EPHB4: variants seen among roughly 807,000 people sequenced by gnomAD.
The protein encoded by EPHB4 is EPH receptor B4.
EPHB4 carries 50 observed loss-of-function variants against 110.6 expected under a neutral mutation model. That is an observed-to-expected ratio of 0.45 (90% CI 0.36 to 0.57). EPHB4 has a LOEUF of 0.57. Among genes scored for constraint, EPHB4 ranks in the 20% least tolerant of loss-of-function variants. EPHB4 has a pLI of 0.00. For missense variants in EPHB4, 1,128 were observed against 1,382.1 expected (o/e 0.82, Z 2.91); for synonymous variants, 592 against 578.4 (o/e 1.02, Z -0.34).
rs757030028 is a variant in EPHB4 at position 100,818,590 on chromosome 7, C to T, written c.1352G>A (p.Ser451Asn). ...RVTRSSPSSL[S>N]LAWAVPRAPS... ...TGCCCGGGGAACAGCCCAGGCCAGGCTCAAGCTGCTGGGTGAGGACCGCGT... is the reference window on the plus strand; with the variant it reads ...TGCCCGGGGAACAGCCCAGGCCAGGTTCAAGCTGCTGGGTGAGGACCGCGT... Residue 451 changes from serine to asparagine, a missense_variant, in exon 7 of 17, where the codon AGC becomes AAC. Transcript: ENST00000358173. The T allele has an allele frequency of 6.2e-7, 1 of 1,613,664 alleles. No homozygotes were observed. The highest frequency in any genetic ancestry group is 8.5e-7 in the Non-Finnish European group (1 of 1,180,026).
At chr7:100,806,071 G>GT in intron 14 of EPHB4, 1 of 262,868 alleles carries the variant, frequency 3.8e-6, no homozygotes, top group African/African-American at 2.2e-5. Context: ...CGATTATCCT[G>GT]TCTCAGCCTC....
Position 100,822,693 on chromosome 7 carries a change from C to A in EPHB4, c.412-26G>T. Reference sequence around the variant, plus strand: ...CTGCCGGCGGGGGGGAGGCACACCGCTGCTGTCCCCACTCCCTGAGGACCC... The same window carrying A: ...CTGCCGGCGGGGGGGAGGCACACCGATGCTGTCCCCACTCCCTGAGGACCC... On this transcript the variant is annotated intron_variant, in intron 3 of 16. Transcript: ENST00000358173. The surrounding 1 kb of genome is among the most constrained non-coding windows in gnomAD (Gnocchi z 4.7). The A allele has an allele frequency of 6.6e-7, 1 of 1,514,342 alleles. No individual in the cohort carries two copies. Among genetic ancestry groups the A allele is most frequent in the Non-Finnish European group, 8.9e-7 (1 of 1,127,220 alleles). The allele number at this position is 1,514,342 out of a possible 1,614,324, so 93.8% of individuals were successfully genotyped here.
intron 12 of EPHB4, among the ~76,000 whole-genome samples, chr7:100,811,536 GACCGGTGCGTAGAAAGCACTCAGT>G (rs2116428259): frequency 6.6e-6 from 1 of 152,148 alleles, no homozygotes; most frequent in African/African-American, 2.4e-5. Flanking sequence ...CTGGGAGGAT[GACCGGTGCGTAGAAAGCACTCAGT>G]AAATATTTGT....
chr7:100,817,454 C>T, intron 7 of EPHB4, 97 bp from the exon 8 acceptor site: 2 of 1,382,522 alleles, frequency 1.4e-6, no homozygotes, highest in South Asian at 1.4e-5. Flanking sequence ...CCATCACTAG[C>T]CTGCCTTGCA....
At chr7:100,804,875 T>G (rs543151286) in intron 16 of EPHB4, among the ~76,000 whole-genome samples, 1 of 152,190 alleles carries the variant, frequency 6.6e-6, no homozygotes, top group Non-Finnish European at 1.5e-5. Context: ...GGGCCTGGAA[T>G]GCAGATAGAT....
chr7:100,805,974 T>A (rs899328141), intron 14 of EPHB4: 8 of 367,908 alleles, frequency 2.2e-5, no homozygotes, highest in African/African-American at 1.7e-4. Context: ...TTTATTTATT[T>A]ATTAAGACAG....
At position 100,803,472 on chromosome 7, in the gene EPHB4, G is replaced by A. The variant is rs1271900368; in HGVS notation, c.2953C>T (p.Pro985Ser). Residue 985 changes from proline to serine, a missense_variant, in exon 17 of 17, where the codon CCG becomes TCG. Physicochemically the swap from Pro to Ser is moderately conservative, Grantham distance 74 (BLOSUM62 -1). Around this residue, in one of 3 missense-constraint regions of EPHB4, gnomAD observed 209 missense variants for 240.5 expected, o/e 0.87. Transcript: ENST00000358173. Reference sequence around the variant, plus strand: ...GGAGTTCCTGCAGGTCAGTACTGCGGGGCCGGTCCTCCTGTCCCACCCGGG... The same window carrying A: ...GGAGTTCCTGCAGGTCAGTACTGCGAGGCCGGTCCTCCTGTCCCACCCGGG... Reference protein sequence around the residue: ...GTPGGTGGPAPQY With the variant: ...GTPGGTGGPASQY 6.4e-7 allele frequency: 1 copy of A among 1,574,678 alleles called. No homozygotes were observed. Among genetic ancestry groups the A allele is most frequent in the Non-Finnish European group, 8.6e-7 (1 of 1,157,218 alleles).
Position 100,815,799 on chromosome 7 carries a change from C to CG in EPHB4, c.1588+1392_1588+1393insC, listed in dbSNP as rs543142190. Among the ~76,000 whole-genome samples, 51 of 152,094 alleles carry CG rather than the reference C, an allele frequency of 3.4e-4. No homozygotes were observed. The East Asian group carries it at 7.0e-3, about 21-fold the overall frequency. Reference sequence around the variant, plus strand: ...GTCAGGAATTTGAGACCAGCCTGGGCAACATAGGGAAACTGTCTCAACAAA... The same window carrying CG: ...GTCAGGAATTTGAGACCAGCCTGGGCGAACATAGGGAAACTGTCTCAACAAA... On this transcript the variant is annotated intron_variant, in intron 8 of 16. Transcript: ENST00000358173.
At position 100,805,604 on chromosome 7, in the gene EPHB4, T is replaced by C; in HGVS notation, c.2575A>G (p.Lys859Glu). ...LHQLMLDCWQKDRNARPRFPQ... is the reference protein window; with the variant it reads ...LHQLMLDCWQEDRNARPRFPQ... ...AAGCGGGGCCGGGCATTCCGGTCTT[T>C]CTGCCAACAGTCCAGCATGAGCTGG... The change falls in exon 15 of 17, where the codon AAA becomes GAA. Residue 859 changes from lysine (K) to glutamate (E), a missense_variant. Physicochemically the swap from Lys to Glu is moderately conservative, Grantham distance 56. This residue lies in a region of EPHB4 where 209 missense variants were observed against 240.5 expected (regional missense o/e 0.87). Transcript: ENST00000358173. The C allele has an allele frequency of 6.4e-7, 1 of 1,563,560 alleles. No individual in the cohort carries two copies. Among genetic ancestry groups the C allele is most frequent in the East Asian group, 2.3e-5 (1 of 44,262 alleles).
In EPHB4 at chr7:100,819,748, G is replaced by A. The variant is rs1194882390; in HGVS notation, c.1106C>T (p.Ser369Phe). The A allele has an allele frequency of 2.5e-6, 4 of 1,607,464 alleles. No homozygotes were observed. Among genetic ancestry groups the A allele is most frequent in the Non-Finnish European group, 3.4e-6 (4 of 1,177,300 alleles). Residue 369 changes from serine (S) to phenylalanine (F), a missense_variant, in exon 6 of 17, where the codon TCC becomes TTC. Coordinates refer to ENST00000358173, the MANE Select transcript of EPHB4 (RefSeq NM_004444.5). ...LRCRECRPGGSCAPCGGDLTF... is the reference protein window; with the variant it reads ...LRCRECRPGGFCAPCGGDLTF... ...CAGGTCTCCCCCGCAGGGCGCACAG[G>A]AGCCTCCGGGTCGGCACTCCCGGCA...
At position 100,823,768 on chromosome 7, in the gene EPHB4, T is replaced by G; in HGVS notation, c.287A>C (p.Glu96Ala). ...VYATLRFTMLECLSLPRAGRS... is the reference protein window; with the variant it reads ...VYATLRFTMLACLSLPRAGRS... ...CCCAGCCCGAGGCAGGGACAGGCAC[T>G]CGAGCATGGTGAAGCGCAGCGTGGC... is the stretch of plus-strand genomic sequence containing the variant. The change falls in exon 3 of 17, where the codon GAG (glutamate) becomes GCG (alanine). Residue 96 changes from glutamate (E) to alanine (A), a missense_variant. Physicochemically the swap from Glu to Ala is moderately radical, Grantham distance 107. Coordinates refer to ENST00000358173, the MANE Select transcript of EPHB4 (RefSeq NM_004444.5). 6.2e-7 allele frequency: 1 copy of G among 1,613,566 alleles called. No homozygotes were observed. Among genetic ancestry groups the G allele is most frequent in the Middle Eastern group, 1.6e-4 (1 of 6,062 alleles).
chr7:100,812,630 GA>G lies in EPHB4; in HGVS notation c.2118+116del. 6.4e-6 allele frequency: 9 copies of G among 1,396,428 alleles called. No homozygotes were observed. The African/African-American group carries it at 7.2e-5, about 11-fold the overall frequency. 86.5% of individuals were successfully genotyped at this position (1,396,428 alleles called of 1,614,324 possible). A position where few individuals can be genotyped will look rare whatever the true frequency, so the allele number is the denominator to read the frequency against. On this transcript the variant is annotated intron_variant, in intron 12 of 16. Transcript: ENST00000358173. ...AGAGGACCAGGGCTTAGCCCAAGAG[GA>G]AAAGGCTGGAGGAGGTGACCTGGGA...
intron 3 of EPHB4, 80 bp downstream of exon 3, chr7:100,823,564 A>G: frequency 2.6e-6 from 4 of 1,546,928 alleles, no homozygotes; most frequent in South Asian, 1.2e-5. Flanking sequence ...TCGCAACTAC[A>G]TCGGCTGCCC....
Position 100,803,705 on chromosome 7 carries a change from G to C in EPHB4, c.2835-115C>G, listed in dbSNP as rs557325953. On this transcript the variant is annotated intron_variant, in intron 16 of 16. Transcript: ENST00000358173. ...TTGTAAGCCAATCAGAAAAGCCAGCGGGGGAGGGAGAACAGATGTCAACAG... is the reference window on the plus strand; with the variant it reads ...TTGTAAGCCAATCAGAAAAGCCAGCCGGGGAGGGAGAACAGATGTCAACAG... 153 of 1,306,732 alleles carry C rather than the reference G, an allele frequency of 1.2e-4. 1 individual carries two copies. In the East Asian group the frequency reaches 3.2e-3, roughly 28 times the overall value. The allele number at this position is 1,306,732 out of a possible 1,614,324, so 80.9% of individuals were successfully genotyped here. A position where few individuals can be genotyped will look rare whatever the true frequency, so the allele number is the denominator to read the frequency against.
In EPHB4 at chr7:100,820,182, T is replaced by G. The variant is rs1186828104; in HGVS notation, c.923A>C (p.Tyr308Ser). 2 of 1,613,984 alleles carry G rather than the reference T, an allele frequency of 1.2e-6. No homozygotes were observed. Among genetic ancestry groups the G allele is most frequent in the Non-Finnish European group, 8.5e-7 (1 of 1,180,028 alleles). Residue 308 changes from tyrosine to serine, a missense_variant, in exon 5 of 17, where the codon TAC becomes TCC. By Grantham distance (144) the Tyr-to-Ser change is moderately radical. Coordinates refer to ENST00000358173, the MANE Select transcript of EPHB4 (RefSeq NM_004444.5). ...CCGGGGGTCTGTGCGTGCCCGGAAGTACCCGACGCGGCACTGGCAGACGGC... is the reference window on the plus strand; with the variant it reads ...CCGGGGGTCTGTGCGTGCCCGGAAGGACCCGACGCGGCACTGGCAGACGGC... ...GSAVCQCRVG[Y>S]FRARTDPRGA...
At chr7:100,805,471 G>A (rs750146958) in intron 15 of EPHB4, 30 bp downstream of exon 15, 2 of 1,530,720 alleles carry the variant, frequency 1.3e-6, no homozygotes, top group Admixed American at 4.2e-5. Context: ...CAGAGAGCGG[G>A]AAGGAGGGCC....
rs1367472400 is a variant in EPHB4, at chr7:100,824,195, G to C, written c.123+8C>G. On this transcript the variant is annotated splice_region_variant and intron_variant, in intron 2 of 16. Transcript: ENST00000358173. ...TCCAGAGCTCCAGCTCCTGGGTGCA[G>C]CTCTCACCTGCCCGTCCACCTGAGG... The C allele has an allele frequency of 6.2e-7, 1 of 1,614,138 alleles. No individual in the cohort carries two copies. Among genetic ancestry groups the C allele is most frequent in the South Asian group, 1.1e-5 (1 of 91,088 alleles).
At chr7:100,826,729 A>C (rs1036905388) in intron 1 of EPHB4, 5 of 419,322 alleles carry the variant, frequency 1.2e-5, no homozygotes, top group African/African-American at 2.0e-5. Flanking sequence ...GAGTTCGGGG[A>C]GCCCGGGCAG....
rs758680146 is a variant in EPHB4, at chr7:100,823,726, G to C, written c.329C>G (p.Thr110Ser). ...LPRAGRSCKE[T>S]FTVFYYESDA... Reference sequence around the variant, plus strand: ...GCTCTCATAGTAGAAGACGGTGAAGGTCTCCTTGCAGGAGCGCCCAGCCCG... The same window carrying C: ...GCTCTCATAGTAGAAGACGGTGAAGCTCTCCTTGCAGGAGCGCCCAGCCCG... The change falls in exon 3 of 17, where the codon ACC (threonine) becomes AGC (serine). Residue 110 changes from threonine to serine, a missense_variant. Physicochemically the swap from Thr to Ser is moderately conservative, Grantham distance 58 (BLOSUM62 1). Around this residue, in one of 3 missense-constraint regions of EPHB4, gnomAD observed 728 missense variants for 828.6 expected, o/e 0.88. Transcript: ENST00000358173. 5.6e-6 allele frequency: 9 copies of C among 1,613,664 alleles called. No homozygotes were observed. The highest frequency in any genetic ancestry group is 6.8e-6 in the Non-Finnish European group (8 of 1,179,968).
Sources: allele counts gnomAD v4.1 joint callset (sites outside exome capture counted in the v4.1 genomes callset), GRCh38; gene constraint gnomAD v4.1.1; regional missense constraint gnomAD v4.1.1; non-coding constraint Gnocchi (gnomAD v3.1); transcripts MANE v1.5; gene names NCBI Gene and HGNC (gene_info 2026-07-23, HGNC 2026-07-21).